CEP128: variants seen among roughly 807,000 people sequenced by gnomAD.
CEP128 encodes centrosomal protein 128kDa.
Under a neutral mutation model 156.7 loss-of-function variants are expected in CEP128, and 132 were observed. The ratio of observed to expected loss-of-function variants is 0.84; its 90% CI spans 0.73 to 0.97. CEP128 has a LOEUF of 0.97. Among genes scored for constraint, CEP128 ranks in the 50% least tolerant of loss-of-function variants. The pLI, the probability that CEP128 is intolerant of heterozygous loss-of-function variation, is 0.00. For synonymous variants in CEP128, 469 were observed against 448.9 expected (o/e 1.04, Z -0.57); for missense variants, 1,252 against 1,281.9 (o/e 0.98, Z 0.36).
chr14:80,759,621 A>C (rs2139677336), intron 17 of CEP128, among the ~76,000 whole-genome samples: 1 of 152,278 alleles, frequency 6.6e-6, no homozygotes, highest in Non-Finnish European at 1.5e-5. Flanking sequence ...TAGACTCTTA[A>C]AAAATTAATA....
rs181329950 is a variant in CEP128 at position 80,888,028 on chromosome 14, G to C, written c.645+7690C>G. ...CTATGTAAATATACCAGAAAATCTA[G>C]AAGAAATGGATAAATTCCTGGACAC... On this transcript the variant is annotated intron_variant, in intron 8 of 24. Transcript: ENST00000555265. Among the ~76,000 whole-genome samples, 18 of 152,226 alleles carry C rather than the reference G, an allele frequency of 1.2e-4. 1 individual carries two copies. Among genetic ancestry groups the C allele is most frequent in the Admixed American group, 4.6e-4 (7 of 15,288 alleles).
At chr14:80,856,900 G>A (rs962646569) in intron 9 of CEP128, among the ~76,000 whole-genome samples, 2 of 150,340 alleles carry the variant, frequency 1.3e-5, no homozygotes, top group African/African-American at 4.9e-5. Context: ...TAATTTTTTT[G>A]TTGCTGTTGT....
intron 19 of CEP128, among the ~76,000 whole-genome samples, chr14:80,606,664 T>C (rs912884103): frequency 6.6e-6 from 1 of 152,134 alleles, no homozygotes; most frequent in African/African-American, 2.4e-5. Flanking sequence ...GGAAACAGAA[T>C]GTACTGTACT....
At position 80,958,848 on chromosome 14, in the gene CEP128, C is replaced by A. The variant is rs926079832; in HGVS notation, c.-279-563G>T. Among the ~76,000 whole-genome samples, 13 of 152,046 alleles carry A rather than the reference C, an allele frequency of 8.6e-5. 1 individual carries two copies. Among genetic ancestry groups the A allele is most frequent in the Non-Finnish European group, 1.5e-5 (1 of 67,998 alleles). On this transcript the variant is annotated intron_variant, in intron 1 of 7. Coordinates refer to the CEP128 transcript ENST00000555529. ...GTTTTGTATTATTCAGAGTGTACCT[C>A]TTTTTAAAGTTTTTGAAGAGCTTAC...
intron 8 of CEP128, among the ~76,000 whole-genome samples, chr14:80,895,202 G>C (rs58699962): frequency 0.49 from 75,042 of 151,728 alleles, 19,051 homozygotes; most frequent in African/African-American, 0.57. Context: ...ATATGACTTT[G>C]AGATAATAAA....
At chr14:80,555,350 C>T (rs1231963769) in intron 21 of CEP128, among the ~76,000 whole-genome samples, 1 of 152,034 alleles carries the variant, frequency 6.6e-6, no homozygotes, top group South Asian at 2.1e-4. Context: ...CAACTGATAA[C>T]AAAAATGCAA....
intron 23 of CEP128, among the ~76,000 whole-genome samples, chr14:80,506,693 TTA>T (rs2140199526): frequency 6.6e-6 from 1 of 152,290 alleles, no homozygotes; most frequent in African/African-American, 2.4e-5. Flanking sequence ...ACTTTATATT[TTA>T]TTTCTGTGTC....
At chr14:80,788,743 C>A (rs575831175) in intron 14 of CEP128, among the ~76,000 whole-genome samples, 1 of 152,102 alleles carries the variant, frequency 6.6e-6, no homozygotes, top group Middle Eastern at 3.2e-3. Flanking sequence ...CTTCTCCTCT[C>A]GGTCAACCCT....
intron 23 of CEP128, among the ~76,000 whole-genome samples, chr14:80,510,658 G>T (rs1050639197): frequency 5.3e-5 from 8 of 152,036 alleles, no homozygotes; most frequent in African/African-American, 1.9e-4. Flanking sequence ...GTGAAAGTGG[G>T]CATCCTTGTC....
At chr14:80,505,535 A>G (rs1594922513) in intron 23 of CEP128, among the ~76,000 whole-genome samples, 1 of 152,318 alleles carries the variant, frequency 6.6e-6, no homozygotes, top group East Asian at 1.9e-4. Context: ...TACTGGGTCA[A>G]TAAAAATAAT....
At chr14:80,526,089 G>C (rs900399361) in intron 23 of CEP128, among the ~76,000 whole-genome samples, 1 of 152,048 alleles carries the variant, frequency 6.6e-6, no homozygotes, top group African/African-American at 2.4e-5. Flanking sequence ...CCCTCCAGGG[G>C]ACATTTGACA....
chr14:80,759,694 G>C (rs1173303019), intron 17 of CEP128, among the ~76,000 whole-genome samples: 1 of 152,038 alleles, frequency 6.6e-6, no homozygotes. Flanking sequence ...TCTTTCTCTA[G>C]GGGAAGAAGT....
chr14:80,859,005 T>C (rs1489615724), intron 9 of CEP128, among the ~76,000 whole-genome samples: 1 of 151,918 alleles, frequency 6.6e-6, no homozygotes, highest in Non-Finnish European at 1.5e-5. Flanking sequence ...CTCAGGGATC[T>C]AGAACTAGAA....
chr14:80,737,936 G>A lies in CEP128; in HGVS notation c.2806+5139C>T, dbSNP rs377689409. On this transcript the variant is annotated intron_variant, in intron 19 of 24. Coordinates refer to ENST00000555265, the MANE Select transcript of CEP128 (RefSeq NM_152446.5). ...ATTCAATTTTAAAAAATTAACCAGA[G>A]TCCAAATAAATAAATGATATTACAT... is the stretch of plus-strand genomic sequence containing the variant. Among the ~76,000 whole-genome samples, 12 of 152,002 alleles carry A rather than the reference G, an allele frequency of 7.9e-5. 1 individual carries two copies. In the East Asian group the frequency reaches 1.3e-3, roughly 17 times the overall value.
intron 19 of CEP128, among the ~76,000 whole-genome samples, chr14:80,595,277 C>T (rs1342514164): frequency 3.3e-5 from 5 of 152,040 alleles, no homozygotes. Flanking sequence ...ACAATGAGAA[C>T]ACATGGACAC....
At chr14:80,509,825 T>C (rs1490828472) in intron 23 of CEP128, among the ~76,000 whole-genome samples, 1 of 152,204 alleles carries the variant, frequency 6.6e-6, no homozygotes, top group South Asian at 2.1e-4. Context: ...TACATTCTAG[T>C]TTCATTTTTC....
chr14:80,923,081 C>G (rs1430211612), intron 2 of CEP128, among the ~76,000 whole-genome samples: 1 of 152,218 alleles, frequency 6.6e-6, no homozygotes, highest in Non-Finnish European at 1.5e-5. Flanking sequence ...TCTCTGGAAT[C>G]TTAGAGCAAG....
In CEP128 at chr14:80,657,256, C is replaced by CA. The variant is rs570541555; in HGVS notation, c.2807-76834dup. On this transcript the variant is annotated intron_variant, in intron 19 of 24. Coordinates refer to ENST00000555265, the MANE Select transcript of CEP128 (RefSeq NM_152446.5). ...TGGGCAATAGAGCCAGACTCTATCT[C>CA]AAAAAAAAAAATTTAAAAAAAATGG... 2.6e-3 allele frequency among the ~76,000 whole-genome samples: 367 copies of CA among 143,564 alleles called. 1 individual carries two copies. The highest frequency in any genetic ancestry group is 6.1e-3 in the African/African-American group (239 of 38,944). The allele number at this position is 143,564 out of a possible 152,430, so 94.2% of individuals were successfully genotyped here.
chr14:80,497,235 T>C lies in CEP128; in HGVS notation c.*244A>G, dbSNP rs1451138751. 1 of 305,316 alleles carries C rather than the reference T, an allele frequency of 3.3e-6. No homozygotes were observed. The highest frequency in any genetic ancestry group is 2.2e-5 in the African/African-American group (1 of 46,220). 18.9% of individuals were successfully genotyped at this position (305,316 alleles called of 1,614,324 possible). A position where few individuals can be genotyped will look rare whatever the true frequency, so the allele number is the denominator to read the frequency against. On this transcript the variant is annotated 3_prime_UTR_variant, in exon 25 of 25. Transcript: ENST00000555265. ...GAAAATACAAAGTGAAAAAATATCA[T>C]TCTTTCTGTGCTAGTATAAGTTGCA...
Sources: gnomAD v4.1 joint callset for allele counts (sites outside exome capture counted in the v4.1 genomes callset) on GRCh38, gnomAD v4.1.1 for gene constraint, MANE v1.5 for transcripts, NCBI Gene and HGNC (gene_info 2026-07-23, HGNC 2026-07-21) for gene names.